AQR: variants seen among roughly 807,000 people sequenced by gnomAD.
AQR encodes the protein RNA helicase aquarius.
Under a neutral mutation model 180.5 loss-of-function variants are expected in AQR, and 61 were observed. The observed-to-expected ratio is 0.34, with a 90% CI of 0.28 to 0.42. The LOEUF is 0.42. Ranked by LOEUF, AQR falls within the 10% of genes least tolerant of loss-of-function variation. The pLI is 1.00. For synonymous variants in AQR, 551 were observed against 588.8 expected, an observed-to-expected ratio of 0.94 and a Z score of 0.93; for missense variants, 1,281 against 1,798.3, an observed-to-expected ratio of 0.71 and a Z score of 5.20.
chr15:34,938,695 A>G (rs994368024), intron 9 of AQR, 42 bp downstream of exon 9: 2 of 1,230,802 alleles, frequency 1.6e-6, no homozygotes, highest in Non-Finnish European at 2.4e-6. Context: ...AGGGGCAGCT[A>G]TATGATAATT....
At chr15:34,949,844 T>C (rs886643107) in intron 4 of AQR, among the ~76,000 whole-genome samples, 4 of 147,956 alleles carry the variant, frequency 2.7e-5, no homozygotes, top group South Asian at 4.3e-4. Flanking sequence ...TGCACACCTG[T>C]GGTCCCAACT....
At chr15:34,875,885 C>T (rs1189180961) in intron 28 of AQR, 50 bp downstream of exon 28, 1 of 1,437,718 alleles carries the variant, frequency 7.0e-7, no homozygotes, top group South Asian at 1.2e-5. Context: ...ATGCTGTCCT[C>T]AGCATTCTTA....
intron 23 of AQR, among the ~76,000 whole-genome samples, chr15:34,892,766 A>C (rs1389308756): frequency 2.6e-5 from 4 of 152,234 alleles, no homozygotes; most frequent in Non-Finnish European, 5.9e-5. Context: ...TACCTGGGAA[A>C]AATCATCTAA....
At chr15:34,912,449 C>G (rs8031583) in intron 16 of AQR, among the ~76,000 whole-genome samples, 110,540 of 151,796 alleles carry the variant, frequency 0.73, 41,796 homozygotes, top group Middle Eastern at 0.84. Context: ...CTTTTATCCT[C>G]TTCATAAAGA....
intron 22 of AQR, among the ~76,000 whole-genome samples, chr15:34,896,475 C>T (rs1893246078): frequency 6.7e-6 from 1 of 150,340 alleles, no homozygotes. Context: ...TTAAATTCAG[C>T]GGGGTTGCTG....
intron 32 of AQR, among the ~76,000 whole-genome samples, chr15:34,864,589 A>C (rs1157807966): frequency 1.3e-5 from 2 of 152,184 alleles, no homozygotes; most frequent in African/African-American, 4.8e-5. Flanking sequence ...TTATAAATAA[A>C]ATTATAGTGG....
In AQR at chr15:34,882,530, C is replaced by T; in HGVS notation, c.3137G>A (p.Arg1046Gln). ...GAAACCTAGCTTGACCAAGTCATGT[C>T]GTTTTAAGGCAGCATGAGTACAGGT... ...AMTCTHAALK[R>Q]HDLVKLGFKY... Residue 1046 changes from arginine (R) to glutamine (Q), a missense_variant, in exon 27 of 35, where the codon CGA becomes CAA. Physicochemically the swap from Arg to Gln is conservative, Grantham distance 43. Transcript: ENST00000156471. The T allele has an allele frequency of 6.3e-7, 1 of 1,587,680 alleles. No individual in the cohort carries two copies. The highest frequency in any genetic ancestry group is 8.6e-7 in the Non-Finnish European group (1 of 1,167,538).
chr15:34,885,693 CTT>C (rs966470603), intron 25 of AQR, among the ~76,000 whole-genome samples: 3 of 152,072 alleles, frequency 2.0e-5, no homozygotes, highest in Non-Finnish European at 4.4e-5. Context: ...ATCTTTACTC[CTT>C]TATGCAAGTC....
intron 3 of AQR, among the ~76,000 whole-genome samples, chr15:34,957,698 T>C (rs1287766497): frequency 8.2e-6 from 1 of 121,776 alleles, no homozygotes; most frequent in Non-Finnish European, 1.7e-5. Flanking sequence ...CGAAACTCCG[T>C]CTCAAAAAAA....
intron 31 of AQR, among the ~76,000 whole-genome samples, chr15:34,870,534 A>G (rs1892802100): frequency 6.6e-6 from 1 of 152,156 alleles, no homozygotes; most frequent in Non-Finnish European, 1.5e-5. Context: ...AGTTTCAGAA[A>G]CATTTCTTTT....
At chr15:34,865,289 G>A (rs1217237535) in intron 32 of AQR, among the ~76,000 whole-genome samples, 1 of 152,092 alleles carries the variant, frequency 6.6e-6, no homozygotes, top group Non-Finnish European at 1.5e-5. Context: ...TGGTAGCTAG[G>A]CTGTCCAAAT....
Position 34,862,903 on chromosome 15 carries a change from A to G in AQR, c.3993T>C (p.His1331=), listed in dbSNP as rs1275788726. The change falls in exon 33 of 35, where the codon CAT becomes CAC. Residue 1331 remains histidine, a synonymous_variant. Transcript: ENST00000156471. The part of the protein sequence containing the change: ...SQLTARPLHL[H]IIPTEPFPTT... ...TTGGGAAAGGTTCTGTTGGAATTAT[A>G]TGCAAATGAAGGGGGCGAGCTGTGA... 2.5e-6 allele frequency: 4 copies of G among 1,613,736 alleles called. No homozygotes were observed. In the Admixed American group the frequency reaches 5.0e-5, roughly 20 times the overall value.
At chr15:34,894,043 T>C (rs1376395429) in intron 22 of AQR, among the ~76,000 whole-genome samples, 1 of 152,072 alleles carries the variant, frequency 6.6e-6, no homozygotes, top group Non-Finnish European at 1.5e-5. Context: ...CAACAAATTC[T>C]AAGACAGAAA....
At chr15:34,937,548 T>C (rs116967762) in intron 9 of AQR, among the ~76,000 whole-genome samples, 174 of 152,298 alleles carry the variant, frequency 1.1e-3, no homozygotes, top group Admixed American at 1.7e-3. Flanking sequence ...ATAAATATGG[T>C]ATACCTATAG....
chr15:34,877,593 G>A (rs1215927197), intron 27 of AQR, among the ~76,000 whole-genome samples: 1 of 152,192 alleles, frequency 6.6e-6, no homozygotes, highest in Admixed American at 6.5e-5. Flanking sequence ...ATGCAAAACA[G>A]AGTGGGGGCA....
Position 34,920,368 on chromosome 15 carries a change from GTCT to G in AQR, c.1182_1184del (p.Glu394del), listed in dbSNP as rs776041068. On this transcript the variant is annotated inframe_deletion, in exon 14 of 35. Coordinates refer to ENST00000156471, the MANE Select transcript of AQR (RefSeq NM_014691.3). ...GAAGAAATTCTTTATCAAAAGTTGT[GTCT>G]TCATTTTTAGGAAGAGTTGGCAACA... 1.2e-6 allele frequency: 2 copies of G among 1,613,172 alleles called. No individual in the cohort carries two copies. The highest frequency in any genetic ancestry group is 1.1e-5 in the South Asian group (1 of 90,976).
At chr15:34,908,297 C>T (rs994142379) in intron 17 of AQR, among the ~76,000 whole-genome samples, 1 of 151,928 alleles carries the variant, frequency 6.6e-6, no homozygotes, top group Non-Finnish European at 1.5e-5. Context: ...ATTAGCTGGG[C>T]GTGGTGGCGG....
intron 15 of AQR, among the ~76,000 whole-genome samples, chr15:34,917,856 C>T (rs973263141): frequency 2.7e-5 from 4 of 148,908 alleles, no homozygotes; most frequent in South Asian, 2.1e-4. Flanking sequence ...TGGTGGTGCA[C>T]GCCTGTGGTC....
chr15:34,927,635 A>G (rs796717486), intron 12 of AQR, among the ~76,000 whole-genome samples: 9 of 152,350 alleles, frequency 5.9e-5, no homozygotes, highest in African/African-American at 2.2e-4. Flanking sequence ...GTAAGAAAAC[A>G]GAAATAGTAG....
Sources: allele counts gnomAD v4.1 joint callset (sites outside exome capture counted in the v4.1 genomes callset), GRCh38; gene constraint gnomAD v4.1.1; transcripts MANE v1.5; gene names NCBI Gene and HGNC (gene_info 2026-07-23, HGNC 2026-07-21).